Variants in STXBP6 observed in about 807,000 individuals in gnomAD.
The protein encoded by STXBP6 is syntaxin-binding protein 6.
STXBP6 carries 21 observed loss-of-function variants against 26.9 expected under a neutral mutation model. That is an observed-to-expected ratio of 0.78 (90% confidence interval 0.55 to 1.12). The LOEUF is 1.12. Ranked by LOEUF, STXBP6 falls within the 50% of genes most tolerant of loss-of-function variation. The probability of loss-of-function intolerance (pLI) is 0.00; values close to 1 mark genes in which losing one functional copy is unlikely to be tolerated. For missense variants in STXBP6, 232 were observed against 257.9 expected, an observed-to-expected ratio of 0.90 and a Z score of 0.69; for synonymous variants, 97 against 92.6, an observed-to-expected ratio of 1.05 and a Z score of -0.27.
chr14:24,866,904 ATTAAT>A (rs560972685), intron 2 of STXBP6, among the ~76,000 whole-genome samples: 57 of 152,170 alleles, frequency 3.7e-4, no homozygotes, highest in African/African-American at 1.3e-3. Context: ...AATACGACAC[ATTAAT>A]TTAAAAACTC....
At chr14:24,909,353 CA>C (rs1274539693) in intron 2 of STXBP6, among the ~76,000 whole-genome samples, 3 of 152,256 alleles carry the variant, frequency 2.0e-5, no homozygotes, top group African/African-American at 7.2e-5. Context: ...GTGGTTCTCA[CA>C]ACAACCTAGA....
intron 2 of STXBP6, among the ~76,000 whole-genome samples, chr14:24,922,461 G>C (rs1373941323): frequency 6.6e-6 from 1 of 152,084 alleles, no homozygotes. Context: ...CAGAGCCCAA[G>C]GGTATATCTT....
chr14:25,015,918 A>C (rs1282502303), intron 1 of STXBP6, among the ~76,000 whole-genome samples: 1 of 152,202 alleles, frequency 6.6e-6, no homozygotes, highest in African/African-American at 2.4e-5. Flanking sequence ...GTCACCTTGT[A>C]GCTAAGAGTG....
chr14:24,919,841 T>C lies in STXBP6; in HGVS notation c.154+54824A>G, dbSNP rs538815698. Among the ~76,000 whole-genome samples the C allele has an allele frequency of 1.2e-3, 185 of 152,154 alleles. 3 individuals carry two copies. Among genetic ancestry groups the C allele is most frequent in the Admixed American group, 6.5e-3 (99 of 15,264 alleles). ...AGGGAGGCTAATTTCTTATAAATCT[T>C]CACTTGCTTACAATACCAAAGTGCC... On this transcript the variant is annotated intron_variant, in intron 2 of 5. Transcript: ENST00000323944.
chr14:24,900,818 G>C (rs189422051), intron 2 of STXBP6, among the ~76,000 whole-genome samples: 26 of 152,278 alleles, frequency 1.7e-4, no homozygotes. Flanking sequence ...TGTCCTATAA[G>C]GCAAATACAG....
chr14:25,037,910 A>G (rs761104469), intron 1 of STXBP6, among the ~76,000 whole-genome samples: 22 of 152,184 alleles, frequency 1.4e-4, no homozygotes, highest in Non-Finnish European at 2.8e-4. Flanking sequence ...TTTCCTTGCT[A>G]AAGGGTTTTA....
At chr14:25,012,034 T>C (rs1049833573) in intron 1 of STXBP6, among the ~76,000 whole-genome samples, 1 of 152,208 alleles carries the variant, frequency 6.6e-6, no homozygotes, top group Admixed American at 6.5e-5. Flanking sequence ...CCAGGTGCAG[T>C]ACAACGGGAC....
intron 2 of STXBP6, among the ~76,000 whole-genome samples, chr14:24,962,404 A>T (rs1320720525): frequency 6.6e-6 from 1 of 151,828 alleles, no homozygotes; most frequent in Non-Finnish European, 1.5e-5. Flanking sequence ...ATCTGTGCTC[A>T]CGGCAACGTC....
chr14:24,981,644 T>A (rs765233825), intron 1 of STXBP6, among the ~76,000 whole-genome samples: 9 of 152,140 alleles, frequency 5.9e-5, no homozygotes, highest in Non-Finnish European at 1.3e-4. Context: ...AGTGTTATAA[T>A]TCCTCTCCAA....
chr14:24,856,957 C>T, intron 3 of STXBP6, 70 bp downstream of exon 3: 1 of 1,561,430 alleles, frequency 6.4e-7, no homozygotes, highest in Non-Finnish European at 8.7e-7. Context: ...ACCACTACCA[C>T]TACCAAGGTC....
At chr14:24,817,852 T>C (rs1024057816) in intron 5 of STXBP6, 1 of 347,694 alleles carries the variant, frequency 2.9e-6, no homozygotes, top group Admixed American at 4.0e-5. Context: ...CGGGCAACAG[T>C]GCAGTAAGAC....
intron 4 of STXBP6, among the ~76,000 whole-genome samples, chr14:24,847,162 C>G (rs2068992025): frequency 6.6e-6 from 1 of 152,140 alleles, no homozygotes; most frequent in African/African-American, 2.4e-5. Flanking sequence ...ACTTATCCTT[C>G]TCTTTGATGG....
chr14:24,947,160 G>A (rs1018000799), intron 2 of STXBP6, among the ~76,000 whole-genome samples: 31 of 152,140 alleles, frequency 2.0e-4, no homozygotes, highest in African/African-American at 7.5e-4. Context: ...GGGGTCTTTG[G>A]AAATAGAAAG....
At chr14:25,010,534 A>G (rs1320177918) in intron 1 of STXBP6, 1 of 152,254 alleles carries the variant, frequency 6.6e-6, no homozygotes, top group East Asian at 1.9e-4. Flanking sequence ...CCTTTAACGC[A>G]GCCTTTTAGT....
At chr14:25,015,263 T>TC (rs1348517176) in intron 1 of STXBP6, among the ~76,000 whole-genome samples, 1 of 152,182 alleles carries the variant, frequency 6.6e-6, no homozygotes, top group Non-Finnish European at 1.5e-5. Flanking sequence ...AGGGGATTTC[T>TC]CTGGTTCTTC....
At position 24,914,209 on chromosome 14, in the gene STXBP6, C is replaced by T. The variant is rs183770604; in HGVS notation, c.155-57052G>A. ...TCATCTGTCATCCCGAGACTATCTT[C>T]CAAGTTTTGGTCACAAGATATATTT... On this transcript the variant is annotated intron_variant, in intron 2 of 5. Coordinates refer to ENST00000323944, the MANE Select transcript of STXBP6 (RefSeq NM_001394410.1). Among the ~76,000 whole-genome samples, 122 of 152,202 alleles carry T rather than the reference C, an allele frequency of 8.0e-4. 1 individual carries two copies. Among genetic ancestry groups the T allele is most frequent in the Non-Finnish European group, 1.5e-3 (100 of 67,996 alleles).
At chr14:24,974,640 A>C (rs1375066470) in intron 2 of STXBP6, 25 bp downstream of exon 2, 29 of 1,522,798 alleles carry the variant, frequency 1.9e-5, no homozygotes, top group East Asian at 4.9e-5. Context: ...TTATTTTAAT[A>C]ATATTAATAT....
chr14:24,909,298 G>A (rs933333397), intron 2 of STXBP6, among the ~76,000 whole-genome samples: 45 of 152,322 alleles, frequency 3.0e-4, no homozygotes, highest in African/African-American at 9.4e-4. Flanking sequence ...CACGTCATGC[G>A]TGGAGCGCTT....
chr14:25,044,310 C>G (rs989931453), intron 1 of STXBP6, among the ~76,000 whole-genome samples: 2 of 151,566 alleles, frequency 1.3e-5, no homozygotes, highest in African/African-American at 4.9e-5. Context: ...TTTTGAGGAA[C>G]TGCCAAACTG....
Sources: gnomAD v4.1 joint callset for allele counts (sites outside exome capture counted in the v4.1 genomes callset) on GRCh38, gnomAD v4.1.1 for gene constraint, MANE v1.5 for transcripts, NCBI Gene and HGNC (gene_info 2026-07-23, HGNC 2026-07-21) for gene names.